Variants in USH2A observed in about 807,000 individuals in gnomAD.
The protein encoded by USH2A is usherin, also known as Usher syndrome 2A (autosomal recessive, mild).
Under a neutral mutation model 538.9 loss-of-function variants are expected in USH2A, and 443 were observed. The ratio of observed to expected loss-of-function variants is 0.82; its 90% CI spans 0.76 to 0.89. The LOEUF (loss-of-function observed/expected upper bound fraction) is 0.89. USH2A is among the 40% of genes least tolerant of loss of function. USH2A has a pLI of 0.00. For missense variants in USH2A, 6,633 were observed against 6,324.8 expected (o/e 1.05, Z -1.65); for synonymous variants, 2,413 against 2,273.5 (o/e 1.06, Z -1.75).
At chr1:216,074,890 T>C (rs976558270) in intron 27 of USH2A, among the ~76,000 whole-genome samples, 7 of 152,200 alleles carry the variant, frequency 4.6e-5, no homozygotes, top group African/African-American at 1.7e-4. Context: ...GTACATAGTT[T>C]TAGCTTTGCA....
chr1:216,053,266 G>A (rs930835210), intron 30 of USH2A, among the ~76,000 whole-genome samples: 7 of 150,638 alleles, frequency 4.6e-5, no homozygotes, highest in African/African-American at 1.7e-4. Flanking sequence ...AGAATACTGG[G>A]AAATAGAGAA....
chr1:215,631,559 C>G (rs1252568458), intron 70 of USH2A, among the ~76,000 whole-genome samples: 1 of 152,202 alleles, frequency 6.6e-6, no homozygotes, highest in East Asian at 1.9e-4. Context: ...AATACACTGT[C>G]AACTGGATAG....
chr1:216,198,842 C>A (rs1435934147), intron 17 of USH2A, among the ~76,000 whole-genome samples: 1 of 152,044 alleles, frequency 6.6e-6, no homozygotes, highest in Non-Finnish European at 1.5e-5. Flanking sequence ...GGAAAACAAA[C>A]CAAAATGGAT....
chr1:216,337,193 A>G (rs1341769237), intron 4 of USH2A, among the ~76,000 whole-genome samples: 1 of 151,488 alleles, frequency 6.6e-6, no homozygotes, highest in African/African-American at 2.4e-5. Context: ...ATGACAGCTA[A>G]TAACTATTGC....
intron 64 of USH2A, among the ~76,000 whole-genome samples, chr1:215,657,640 G>C (rs2102650249): frequency 6.6e-6 from 1 of 152,232 alleles, no homozygotes; most frequent in Non-Finnish European, 1.5e-5. Context: ...AAAACACTTT[G>C]GATTAGGCAA....
chr1:215,789,369 T>A lies in USH2A; in HGVS notation c.10182+690A>T, dbSNP rs557326107. Among the ~76,000 whole-genome samples, 5 of 152,108 alleles carry A rather than the reference T, an allele frequency of 3.3e-5. No homozygotes were observed. In the South Asian group the frequency reaches 1.0e-3, roughly 32 times the overall value. On this transcript the variant is annotated intron_variant, in intron 51 of 71. Transcript: ENST00000307340. ...CCATTGTCTGTGACCAAGACACCCA[T>A]TTTTAGTGGTCTTATAATGACAAAT...
rs554225819 is a variant in USH2A, at chr1:216,266,352, C to T, written c.1972-15254G>A. 6.3e-4 allele frequency among the ~76,000 whole-genome samples: 96 copies of T among 152,170 alleles called. 1 individual carries two copies. The highest frequency in any genetic ancestry group is 2.2e-3 in the African/African-American group (93 of 41,554). On this transcript the variant is annotated intron_variant, in intron 11 of 71. Transcript: ENST00000307340. ...AATAAAATAAGTCACATAGAAAATA[C>T]AGAATATCACTGCAGTATTCTGCAA...
intron 30 of USH2A, among the ~76,000 whole-genome samples, chr1:216,055,205 AG>A (rs2030937748): frequency 6.6e-6 from 1 of 152,162 alleles, no homozygotes; most frequent in Non-Finnish European, 1.5e-5. Context: ...CCCCATCTCA[AG>A]AGAACTCATC....
At chr1:215,834,566 C>G (rs534942177) in intron 47 of USH2A, among the ~76,000 whole-genome samples, 53 of 152,016 alleles carry the variant, frequency 3.5e-4, no homozygotes, top group Non-Finnish European at 6.3e-4. Context: ...TAATGGAGAC[C>G]GACATCATGA....
At chr1:216,327,538 A>G (rs974608308) in intron 5 of USH2A, 53 bp downstream of exon 5, 1 of 1,590,812 alleles carries the variant, frequency 6.3e-7, no homozygotes, top group African/African-American at 1.3e-5. Flanking sequence ...ATTTAAGTGA[A>G]TTCAGCATTT....
At chr1:216,373,212 C>T (rs1257231289) in intron 3 of USH2A, among the ~76,000 whole-genome samples, 1 of 152,090 alleles carries the variant, frequency 6.6e-6, no homozygotes, top group Non-Finnish European at 1.5e-5. Context: ...AAGGAATTTA[C>T]AATCTGTAAT....
At chr1:215,751,192 G>A (rs1438575693) in intron 58 of USH2A, among the ~76,000 whole-genome samples, 1 of 152,028 alleles carries the variant, frequency 6.6e-6, no homozygotes, top group Non-Finnish European at 1.5e-5. Flanking sequence ...GATGTCTAAT[G>A]TCCATAAATA....
At chr1:215,634,071 C>T (rs1462896983) in intron 70 of USH2A, among the ~76,000 whole-genome samples, 1 of 152,148 alleles carries the variant, frequency 6.6e-6, no homozygotes, top group African/African-American at 2.4e-5. Context: ...TATAATTTCC[C>T]CAGGTAATCT....
chr1:216,421,809 G>C (rs760586735), intron 2 of USH2A, 43 bp downstream of exon 2: 50 of 1,613,340 alleles, frequency 3.1e-5, no homozygotes, highest in Middle Eastern at 1.6e-4. Flanking sequence ...ACTACTACTG[G>C]TTTTGGGGAC....
rs1475948121 is a variant in USH2A at position 215,845,872 on chromosome 1, C to T, written c.9007G>A (p.Val3003Ile). Reference protein sequence around the residue: ...YWIFISVFNGVHSINSAGLHA... With the variant: ...YWIFISVFNGIHSINSAGLHA... ...AGTCCTGCACTGTTGATGCTGTGGA[C>T]TCCATTGAAGACAGAGATAAAGATC... The change falls in exon 45 of 72, where the codon GTC becomes ATC. Residue 3003 changes from valine to isoleucine, a missense_variant. Val to Ile is a conservative substitution (Grantham distance 29). Transcript: ENST00000307340. 5.0e-6 allele frequency: 8 copies of T among 1,613,758 alleles called. No homozygotes were observed. The highest frequency in any genetic ancestry group is 6.8e-6 in the Non-Finnish European group (8 of 1,179,920).
intron 60 of USH2A, among the ~76,000 whole-genome samples, chr1:215,730,937 G>A (rs1659977860): frequency 6.6e-6 from 1 of 152,172 alleles, no homozygotes; most frequent in South Asian, 2.1e-4. Context: ...GAGAACTGCA[G>A]GGCTCATAGC....
intron 22 of USH2A, among the ~76,000 whole-genome samples, chr1:216,095,371 A>C (rs1187129363): frequency 1.3e-5 from 2 of 152,224 alleles, no homozygotes; most frequent in East Asian, 3.8e-4. Context: ...TAAAGTTTTC[A>C]AATAAAAAAT....
At chr1:215,854,394 C>T (rs1415846949) in intron 44 of USH2A, among the ~76,000 whole-genome samples, 1 of 152,066 alleles carries the variant, frequency 6.6e-6, no homozygotes, top group African/African-American at 2.4e-5. Context: ...ACAGCCAAAC[C>T]ATATCAAAAG....
intron 14 of USH2A, among the ~76,000 whole-genome samples, chr1:216,221,625 A>G (rs763690104): frequency 2.0e-5 from 3 of 152,228 alleles, no homozygotes; most frequent in Non-Finnish European, 4.4e-5. Context: ...AGGCACAAAT[A>G]GAGAAACTCA....
Sources: allele counts gnomAD v4.1 joint callset (sites outside exome capture counted in the v4.1 genomes callset), GRCh38; gene constraint gnomAD v4.1.1; transcripts MANE v1.5; gene names NCBI Gene and HGNC (gene_info 2026-07-23, HGNC 2026-07-21).